The following CAST variants were observed in gnomAD, a reference collection of about 807,000 sequenced individuals.
CAST encodes calpastatin.
Under a neutral mutation model 119.6 loss-of-function variants are expected in CAST, and 76 were observed. That is an observed-to-expected ratio of 0.64 (90% confidence interval 0.53 to 0.77). CAST has a LOEUF of 0.77. Among genes scored for constraint, CAST ranks in the 30% least tolerant of loss-of-function variants. The pLI is 0.00. For synonymous variants in CAST, 319 were observed against 331.6 expected (o/e 0.96, Z 0.41); for missense variants, 953 against 946.5 (o/e 1.01, Z -0.09).
the CAST span, among the ~76,000 whole-genome samples, chr5:96,049,889 C>CAAAAAAAAAAAAAAAAAAAAAAAAAAA: frequency 3.5e-4 from 12 of 34,186 alleles, 2 homozygotes; most frequent in Admixed American, 5.1e-4. Flanking sequence ...GAACAGGAGG[C>CAAAAAAAAAAAAAAAAAAAAAAAAAAA]AAAAAAAAAA....
chr5:96,534,761 GAAAGAAAGAA>G (rs1745763150), intron 1 of CAST, among the ~76,000 whole-genome samples: 4 of 94,308 alleles, frequency 4.2e-5, no homozygotes, highest in Middle Eastern at 4.2e-3. Context: ...AAGAAAGAAA[GAAAGAAAGAA>G]AGAAAGAAAG....
chr5:96,530,775 C>CA (rs1283968436), intron 1 of CAST, among the ~76,000 whole-genome samples: 1 of 152,098 alleles, frequency 6.6e-6, no homozygotes, highest in South Asian at 2.1e-4. Context: ...AAGACTCTAG[C>CA]AAAAAATAGC....
the CAST span, among the ~76,000 whole-genome samples, chr5:96,424,909 G>T: frequency 1.3e-5 from 2 of 150,764 alleles, no homozygotes; most frequent in Non-Finnish European, 2.9e-5. Flanking sequence ...ATTGCAGTGA[G>T]CTGAGATCAT....
the CAST span, among the ~76,000 whole-genome samples, chr5:96,424,685 C>T: frequency 2.2e-4 from 33 of 152,186 alleles, no homozygotes; most frequent in Admixed American, 1.4e-3. Flanking sequence ...GCAAGAGGCC[C>T]GGTGCGGTGG....
the CAST span, among the ~76,000 whole-genome samples, chr5:96,389,452 G>A: frequency 2.6e-5 from 4 of 152,118 alleles, no homozygotes; most frequent in Non-Finnish European, 5.9e-5. Context: ...ATGGAAAGAA[G>A]TCCTTCTGGA....
chr5:96,512,873 A>ATT, the CAST span, among the ~76,000 whole-genome samples: 1 of 152,196 alleles, frequency 6.6e-6, no homozygotes, highest in Non-Finnish European at 1.5e-5. Context: ...ACAAACGAAG[A>ATT]TTTTTTTCAG....
At chr5:96,628,113 A>G (rs558074223) in intron 1 of CAST, among the ~76,000 whole-genome samples, 3 of 152,380 alleles carry the variant, frequency 2.0e-5, no homozygotes, top group African/African-American at 7.2e-5. Flanking sequence ...GTGCTGTTTC[A>G]GTGAAGAAAA....
At chr5:96,517,549 G>A in the CAST span, among the ~76,000 whole-genome samples, 990 of 152,302 alleles carry the variant, frequency 6.5e-3, 15 homozygotes, top group African/African-American at 0.022. Flanking sequence ...GATTTGGGAA[G>A]GAGGATACAT....
intron 3 of CAST, among the ~76,000 whole-genome samples, chr5:96,697,450 T>C (rs760540855): frequency 3.9e-4 from 60 of 152,182 alleles, no homozygotes; most frequent in Admixed American, 2.6e-3. Flanking sequence ...GCTGAGAAGC[T>C]CTAACGCTAA....
the CAST span, among the ~76,000 whole-genome samples, chr5:95,996,735 A>G: frequency 1.3e-5 from 2 of 152,192 alleles, no homozygotes; most frequent in South Asian, 4.1e-4. Flanking sequence ...ACCCACAGAG[A>G]TTCTGATTCA....
chr5:96,566,711 T>G (rs779564346), intron 1 of CAST, among the ~76,000 whole-genome samples: 26 of 152,164 alleles, frequency 1.7e-4, no homozygotes, highest in Non-Finnish European at 3.7e-4. Flanking sequence ...AATTTTAAAA[T>G]GCACACAAAC....
rs1374585682 is a variant in CAST, at chr5:96,663,043, G to A, written c.75+546G>A. On this transcript the variant is annotated intron_variant, in intron 1 of 31. Transcript: ENST00000675179. ...GGAGCTCAGTGCCAGCCCGGTCCCG[G>A]CCAAGCGGAGTGTGAGCCCGGCGCC... 1.9e-4 allele frequency: 133 copies of A among 698,740 alleles called. 1 individual carries two copies. The Admixed American group carries it at 2.6e-3, about 14-fold the overall frequency. The allele number at this position is 698,740 out of a possible 1,614,324, so 43.3% of individuals were successfully genotyped here. A position where few individuals can be genotyped will look rare whatever the true frequency, so the allele number is the denominator to read the frequency against.
At chr5:96,005,677 A>G in the CAST span, among the ~76,000 whole-genome samples, 1 of 152,190 alleles carries the variant, frequency 6.6e-6, no homozygotes, top group Admixed American at 6.5e-5. Flanking sequence ...AAACCAATTC[A>G]AACTAAAATA....
intron 22 of CAST, among the ~76,000 whole-genome samples, chr5:96,755,841 G>A (rs1766190119): frequency 6.6e-6 from 1 of 152,132 alleles, no homozygotes; most frequent in African/African-American, 2.4e-5. Flanking sequence ...TTTGTACATT[G>A]CTTTGCAAAG....
At chr5:96,108,109 C>T in the CAST span, among the ~76,000 whole-genome samples, 528 of 152,022 alleles carry the variant, frequency 3.5e-3, 2 homozygotes, top group African/African-American at 4.6e-3. Context: ...ATTGGTTATT[C>T]TAGTTATACA....
chr5:96,655,302 T>C (rs537296486), intron 1 of CAST, among the ~76,000 whole-genome samples: 1 of 152,298 alleles, frequency 6.6e-6, no homozygotes, highest in Admixed American at 6.5e-5. Context: ...GGAAAGTGCA[T>C]GCACGGGTCA....
intron 4 of CAST, 72 bp downstream of exon 4, chr5:96,722,770 A>G (rs1758537462): frequency 1.9e-6 from 2 of 1,068,128 alleles, no homozygotes; most frequent in Non-Finnish European, 2.9e-6. Context: ...AATGTAGACT[A>G]ATTGTTGATG....
intron 1 of CAST, among the ~76,000 whole-genome samples, chr5:96,637,641 A>G (rs554822555): frequency 1.3e-5 from 2 of 152,316 alleles, no homozygotes; most frequent in Admixed American, 1.3e-4. Context: ...GAGTTAGGGT[A>G]AAGATACCTT....
At chr5:96,373,318 C>A in the CAST span, among the ~76,000 whole-genome samples, 5 of 152,152 alleles carry the variant, frequency 3.3e-5, no homozygotes, top group African/African-American at 9.7e-5. Context: ...ATAATAGGTT[C>A]TTTGTGTAAG....
Sources: allele counts gnomAD v4.1 joint callset (sites outside exome capture counted in the v4.1 genomes callset), GRCh38; gene constraint gnomAD v4.1.1; transcripts MANE v1.5; gene names NCBI Gene and HGNC (gene_info 2026-07-23, HGNC 2026-07-21).